The following NBEA variants were observed in gnomAD, a reference collection of about 807,000 sequenced individuals.
NBEA encodes the protein neurobeachin.
A neutral mutation model predicts 343.4 loss-of-function variants in NBEA; 44 were observed. The observed-to-expected ratio is 0.13, with a 90% CI of 0.10 to 0.16. The LOEUF (loss-of-function observed/expected upper bound fraction) is 0.16, where lower values mean the gene tolerates loss of function less well. Ranked by LOEUF, NBEA falls within the 10% of genes least tolerant of loss-of-function variation. The pLI is 1.00. For missense variants in NBEA, 2,555 were observed against 3,631.3 expected (o/e 0.70, Z 7.62); for synonymous variants, 1,175 against 1,238.7 (o/e 0.95, Z 1.08).
chr13:35,028,993 AT>A (rs2062109260), intron 1 of NBEA, among the ~76,000 whole-genome samples: 1 of 151,630 alleles, frequency 6.6e-6, no homozygotes, highest in South Asian at 2.1e-4. Flanking sequence ...TATGGACTAT[AT>A]TATTAAAAGT....
chr13:35,234,761 T>C (rs1223568858), intron 34 of NBEA, among the ~76,000 whole-genome samples: 3 of 152,184 alleles, frequency 2.0e-5, no homozygotes, highest in Non-Finnish European at 4.4e-5. Flanking sequence ...CCCAGTCTTC[T>C]GAATTCCAGA....
At chr13:35,655,051 CTA>C (rs1317259319) in intron 54 of NBEA, 41 bp downstream of exon 54, 3 of 1,400,378 alleles carry the variant, frequency 2.1e-6, no homozygotes, top group Non-Finnish European at 2.8e-6. Context: ...TTCAAAATGA[CTA>C]TTGTTAAAAC....
At chr13:35,167,690 A>C (rs2152719221) in intron 24 of NBEA, among the ~76,000 whole-genome samples, 1 of 151,926 alleles carries the variant, frequency 6.6e-6, no homozygotes, top group Non-Finnish European at 1.5e-5. Flanking sequence ...GGAAAGCAGC[A>C]TTATTTTTGT....
Position 35,277,648 on chromosome 13 carries a change from A to AGGG in NBEA, c.5777-12740_5777-12739insGGG, listed in dbSNP as rs71078088. On this transcript the variant is annotated intron_variant, in intron 34 of 58. Transcript: ENST00000379939. ...AAAAAAAAAAAAAAAAAAAAAAAAA[A>AGGG]GTGGGGGAAACAACATATGTATGCA... 7.1e-4 allele frequency among the ~76,000 whole-genome samples: 92 copies of AGGG among 128,796 alleles called. 1 individual carries two copies. Among genetic ancestry groups the AGGG allele is most frequent in the Non-Finnish European group, 1.0e-3 (59 of 58,476 alleles). 84.5% of individuals were successfully genotyped at this position (128,796 alleles called of 152,430 possible).
intron 40 of NBEA, among the ~76,000 whole-genome samples, chr13:35,465,716 A>C (rs761177138): frequency 6.6e-6 from 1 of 152,192 alleles, no homozygotes; most frequent in Non-Finnish European, 1.5e-5. Context: ...GTTGTTTAGT[A>C]CTTTTTGTAT....
intron 39 of NBEA, among the ~76,000 whole-genome samples, chr13:35,444,835 C>T (rs1282952648): frequency 6.6e-6 from 1 of 151,908 alleles, no homozygotes; most frequent in Non-Finnish European, 1.5e-5. Flanking sequence ...TACATTGGTG[C>T]TTTATGTAAT....
intron 41 of NBEA, among the ~76,000 whole-genome samples, chr13:35,541,112 T>A (rs2078801243): frequency 6.6e-6 from 1 of 152,100 alleles, no homozygotes; most frequent in South Asian, 2.1e-4. Context: ...CCACTCACCC[T>A]TTGTTGTTCT....
chr13:35,506,487 A>G (rs1057052113), intron 41 of NBEA, among the ~76,000 whole-genome samples: 1 of 152,166 alleles, frequency 6.6e-6, no homozygotes, highest in African/African-American at 2.4e-5. Flanking sequence ...TGAGAAATCA[A>G]ATGTATTGAT....
chr13:35,662,246 A>T (rs1341922903), intron 55 of NBEA, among the ~76,000 whole-genome samples: 1 of 152,214 alleles, frequency 6.6e-6, no homozygotes, highest in Non-Finnish European at 1.5e-5. Flanking sequence ...GAATCTAAAA[A>T]TTGGACGTGT....
chr13:35,202,531 C>G (rs544368013), intron 31 of NBEA, among the ~76,000 whole-genome samples: 1 of 152,204 alleles, frequency 6.6e-6, no homozygotes, highest in African/African-American at 2.4e-5. Context: ...TAGGATAAAC[C>G]ATGATGTACA....
rs989344780 is a variant in NBEA, at chr13:34,942,812, G to C, written c.-9G>C. The C allele has an allele frequency of 2.2e-6, 3 of 1,360,764 alleles. No individual in the cohort carries two copies. The highest frequency in any genetic ancestry group is 3.0e-5 in the East Asian group (1 of 33,424). 84.3% of individuals were successfully genotyped at this position (1,360,764 alleles called of 1,614,324 possible). A position where few individuals can be genotyped will look rare whatever the true frequency, so the allele number is the denominator to read the frequency against. On this transcript the variant is annotated 5_prime_UTR_variant, in exon 1 of 59. Transcript: ENST00000379939. ...CGCTGCTCTTCCCTTCTCCTCAGGAGGGGGGCCAATGGCTAGCGAGAAGCC... is the reference window on the plus strand; with the variant it reads ...CGCTGCTCTTCCCTTCTCCTCAGGACGGGGGCCAATGGCTAGCGAGAAGCC...
At chr13:34,999,526 G>C (rs1423808324) in intron 1 of NBEA, among the ~76,000 whole-genome samples, 1 of 152,046 alleles carries the variant, frequency 6.6e-6, no homozygotes, top group Non-Finnish European at 1.5e-5. Flanking sequence ...TCTTTCAGCA[G>C]AGTGTTCTCA....
chr13:35,651,663 G>C, intron 52 of NBEA, 142 bp from the exon 53 acceptor site: 1 of 638,082 alleles, frequency 1.6e-6, no homozygotes, highest in Non-Finnish European at 2.8e-6. Flanking sequence ...TGTCTACAGA[G>C]ACACATAGTA....
Position 35,651,876 on chromosome 13 carries a change from G to T in NBEA, c.8035G>T (p.Ala2679Ser), listed in dbSNP as rs1043585650. Reference sequence around the variant, plus strand: ...TCCCATTGAAATGGATCCATTAATAGGTATGTTAATAAAAAAGAATAAATT... The same window carrying T: ...TCCCATTGAAATGGATCCATTAATATGTATGTTAATAAAAAAGAATAAATT... ...HLPIEMDPLI[A>S]NNSGVNKRQI... Residue 2679 changes from alanine to serine, a missense_variant and splice_region_variant, in exon 53 of 59, where the codon GCC (alanine) becomes TCC (serine). Transcript: ENST00000379939. 4.6e-6 allele frequency: 7 copies of T among 1,509,400 alleles called. No individual in the cohort carries two copies. Among genetic ancestry groups the T allele is most frequent in the Non-Finnish European group, 6.3e-6 (7 of 1,109,082 alleles). 93.5% of individuals were successfully genotyped at this position (1,509,400 alleles called of 1,614,324 possible). A position where few individuals can be genotyped will look rare whatever the true frequency, so the allele number is the denominator to read the frequency against.
At chr13:35,626,949 T>A (rs12877203) in intron 48 of NBEA, among the ~76,000 whole-genome samples, 30,009 of 151,866 alleles carry the variant, frequency 0.2, 3,224 homozygotes, top group Non-Finnish European at 0.24. Flanking sequence ...ATACAAAAAA[T>A]TTTGAAAGGA....
intron 1 of NBEA, among the ~76,000 whole-genome samples, chr13:34,966,483 T>G (rs73167720): frequency 0.027 from 4,077 of 152,122 alleles, 74 homozygotes; most frequent in African/African-American, 0.048. Context: ...TAAATACTAT[T>G]AGAATCCAAT....
chr13:35,113,072 T>C (rs999947099), intron 13 of NBEA, among the ~76,000 whole-genome samples: 1 of 152,198 alleles, frequency 6.6e-6, no homozygotes, highest in African/African-American at 2.4e-5. Context: ...TTCTTACTTT[T>C]AATGTTCTTC....
intron 45 of NBEA, among the ~76,000 whole-genome samples, chr13:35,579,362 A>G (rs2080898105): frequency 6.6e-6 from 1 of 152,114 alleles, no homozygotes; most frequent in South Asian, 2.1e-4. Flanking sequence ...AATACCATTT[A>G]TCCAATATGT....
intron 38 of NBEA, among the ~76,000 whole-genome samples, chr13:35,355,736 T>G (rs1392866501): frequency 6.6e-6 from 1 of 152,048 alleles, no homozygotes; most frequent in African/African-American, 2.4e-5. Flanking sequence ...GCAGGTCATG[T>G]TTGCTCTGTT....
Sources: gnomAD v4.1 joint callset for allele counts (sites outside exome capture counted in the v4.1 genomes callset) on GRCh38, gnomAD v4.1.1 for gene constraint, MANE v1.5 for transcripts, NCBI Gene and HGNC (gene_info 2026-07-23, HGNC 2026-07-21) for gene names.